MDM2: variants seen among roughly 807,000 people sequenced by gnomAD.
The protein encoded by MDM2 is MDM2 proto-oncogene.
Under a neutral mutation model 64.3 loss-of-function variants are expected in MDM2, and 11 were observed. That is an observed-to-expected ratio of 0.17 (90% CI 0.11 to 0.28). The LOEUF (loss-of-function observed/expected upper bound fraction) is 0.28, where lower values mean the gene tolerates loss of function less well. Ranked by LOEUF, MDM2 falls within the 10% of genes least tolerant of loss-of-function variation. The pLI is 1.00. For missense variants in MDM2, 388 were observed against 577.1 expected, an observed-to-expected ratio of 0.67 and a Z score of 3.36; for synonymous variants, 194 against 192.9, an observed-to-expected ratio of 1.01 and a Z score of -0.05.
At chr12:68,814,576 T>C in intron 3 of MDM2, 1 of 373,158 alleles carries the variant, frequency 2.7e-6, no homozygotes, top group East Asian at 7.9e-5. Context: ...CCATCCAAAT[T>C]AATGGACCCC....
intron 2 of MDM2, among the ~76,000 whole-genome samples, chr12:68,813,210 T>A (rs901718307): frequency 6.6e-6 from 1 of 152,214 alleles, no homozygotes; most frequent in Non-Finnish European, 1.5e-5. Context: ...GGACCCACTC[T>A]AAAGATTTAT....
At chr12:68,826,370 C>A (rs1882318715) in intron 7 of MDM2, among the ~76,000 whole-genome samples, 1 of 151,916 alleles carries the variant, frequency 6.6e-6, no homozygotes, top group South Asian at 2.1e-4. Context: ...CTTAGATGGC[C>A]TGGTGCGGTG....
At chr12:68,838,179 G>A (rs985438363) in intron 10 of MDM2, among the ~76,000 whole-genome samples, 1 of 152,078 alleles carries the variant, frequency 6.6e-6, no homozygotes, top group African/African-American at 2.4e-5. Context: ...TATCTTTATT[G>A]CTCCTGTCTT....
chr12:68,838,479 A>G (rs1883484567), intron 10 of MDM2, among the ~76,000 whole-genome samples: 1 of 152,206 alleles, frequency 6.6e-6, no homozygotes, highest in African/African-American at 2.4e-5. Context: ...ACCAAGGATG[A>G]TAGGTTTTAG....
intron 4 of MDM2, 59 bp from the exon 5 acceptor site, chr12:68,820,266 T>C (rs1227818055): frequency 1.5e-6 from 2 of 1,306,658 alleles, no homozygotes; most frequent in Non-Finnish European, 2.2e-6. Flanking sequence ...TCCAGCTTAA[T>C]ACAAATTTTT....
chr12:68,821,235 A>G (rs1030075334), intron 5 of MDM2, among the ~76,000 whole-genome samples: 1 of 151,690 alleles, frequency 6.6e-6, no homozygotes, highest in African/African-American at 2.4e-5. Context: ...TTTAGTAGAG[A>G]GGGGGTTTCA....
intron 2 of MDM2, among the ~76,000 whole-genome samples, chr12:68,812,337 A>G (rs961677179): frequency 5.9e-5 from 9 of 152,156 alleles, no homozygotes; most frequent in Admixed American, 1.3e-4. Flanking sequence ...GGCATCCCCA[A>G]TGGGGGTGCT....
At chr12:68,816,061 G>A (rs1183105135) in intron 3 of MDM2, among the ~76,000 whole-genome samples, 2 of 152,114 alleles carry the variant, frequency 1.3e-5, no homozygotes, top group African/African-American at 4.8e-5. Context: ...TTGATTGATT[G>A]TTTTTCTGTC....
At position 68,808,382 on chromosome 12, in the gene MDM2, T is replaced by G; in HGVS notation, c.-96T>G. The G allele has an allele frequency of 1.9e-6, 3 of 1,540,228 alleles. No homozygotes were observed. Among genetic ancestry groups the G allele is most frequent in the Non-Finnish European group, 2.7e-6 (3 of 1,115,984 alleles). On this transcript the variant is annotated 5_prime_UTR_variant, in exon 1 of 11. It removes an upstream start codon present in the reference 5' UTR. Transcript: ENST00000258149. ...CAGTGCCCTGGCCCGGAGAGTGGAA[T>G]GATCCCCGAGGCCCAGGGCGTCGTG...
chr12:68,838,873 C>T (rs1487548465), intron 10 of MDM2, among the ~76,000 whole-genome samples: 1 of 151,476 alleles, frequency 6.6e-6, no homozygotes, highest in Admixed American at 6.6e-5. Context: ...AATGGGTGTA[C>T]TTACTCTACT....
chr12:68,826,614 A>G (rs1316435500), intron 7 of MDM2, among the ~76,000 whole-genome samples: 1 of 144,426 alleles, frequency 6.9e-6, no homozygotes, highest in Admixed American at 7.1e-5. Flanking sequence ...GCACCACTGC[A>G]CTCCAGCCTG....
Position 68,824,348 on chromosome 12 carries a change from T to C in MDM2, c.359-15T>C, listed in dbSNP as rs779115220. On this transcript the variant is annotated splice_polypyrimidine_tract_variant and intron_variant, in intron 5 of 10. Transcript: ENST00000258149. ...GCCCACCACCAAGTTTCTGATCCTT[T>C]TTCTTTTCTCTCAGAATCATCGGAC... is the stretch of plus-strand genomic sequence containing the variant. 3.4e-5 allele frequency: 55 copies of C among 1,611,784 alleles called. No homozygotes were observed. The highest frequency in any genetic ancestry group is 3.3e-4 in the East Asian group (15 of 44,878).
Position 68,836,690 on chromosome 12 carries a change from T to A in MDM2, c.859T>A (p.Tyr287Asn). Residue 287 changes from tyrosine (Y) to asparagine (N), a missense_variant, in exon 10 of 11, where the codon TAT becomes AAT. Physicochemically the swap from Tyr to Asn is moderately radical, Grantham distance 143. Around this residue, in one of 5 missense-constraint regions of MDM2, gnomAD observed 168 missense variants for 236.6 expected, o/e 0.71. Transcript: ENST00000258149. ...EDDEVYQVTVYQAGESDTDSF... is the reference protein window; with the variant it reads ...EDDEVYQVTVNQAGESDTDSF... Reference sequence around the variant, plus strand: ...TTATTAGGTATATCAAGTTACTGTGTATCAGGCAGGGGAGAGTGATACAGA... The same window carrying A: ...TTATTAGGTATATCAAGTTACTGTGAATCAGGCAGGGGAGAGTGATACAGA... 1.2e-6 allele frequency: 2 copies of A among 1,611,780 alleles called. No individual in the cohort carries two copies. Among genetic ancestry groups the A allele is most frequent in the Non-Finnish European group, 1.7e-6 (2 of 1,178,114 alleles).
chr12:68,840,526 GTTTGTTTT>G lies in MDM2; in HGVS notation c.*678_*685del. 1 of 186,682 alleles carries G rather than the reference GTTTGTTTT, an allele frequency of 5.4e-6. No homozygotes were observed. Among genetic ancestry groups the G allele is most frequent in the East Asian group, 8.1e-5 (1 of 12,356 alleles). The allele number at this position is 186,682 out of a possible 1,614,324, so 11.6% of individuals were successfully genotyped here. On this transcript the variant is annotated 3_prime_UTR_variant, in exon 11 of 11. Transcript: ENST00000258149. The stretch of plus-strand genomic sequence containing the variant: ...TGTTTTTTTGTTTGTTTGTTTGTTT[GTTTGTTTT>G]GAGATGAGTCTCTCTGTCGCCCAGG...
At chr12:68,824,325 C>A (rs368974758) in intron 5 of MDM2, 38 bp from the exon 6 acceptor site, 1 of 1,565,034 alleles carries the variant, frequency 6.4e-7, no homozygotes, top group Non-Finnish European at 8.8e-7. Flanking sequence ...CGCCCCCCGC[C>A]CACCACCAAG....
In MDM2 at chr12:68,844,089, C is replaced by A; in HGVS notation, c.*4240C>A. 1 of 206,306 alleles carries A rather than the reference C, an allele frequency of 4.8e-6. No individual in the cohort carries two copies. The highest frequency in any genetic ancestry group is 9.9e-6 in the Non-Finnish European group (1 of 101,220). The allele number at this position is 206,306 out of a possible 1,614,324, so 12.8% of individuals were successfully genotyped here. A position where few individuals can be genotyped will look rare whatever the true frequency, so the allele number is the denominator to read the frequency against. ...GCTATTTTTACAAAATTTAAATCTG[C>A]AAATGGATTCAACATGTTTATGGGT... is the stretch of plus-strand genomic sequence containing the variant. On this transcript the variant is annotated 3_prime_UTR_variant, in exon 11 of 11. Transcript: ENST00000258149.
chr12:68,846,536 G>T (rs1884310361), downstream of MDM2: 1 of 152,116 alleles, frequency 6.6e-6, no homozygotes. Context: ...CTTCCTTCAA[G>T]ATCACAGTAA....
intron 8 of MDM2, among the ~76,000 whole-genome samples, chr12:68,833,394 TTATA>T (rs1295949261): frequency 2.2e-5 from 3 of 137,634 alleles, no homozygotes; most frequent in African/African-American, 8.2e-5. Context: ...ATATTACTAT[TTATA>T]TAAATATAAA....
intron 4 of MDM2, among the ~76,000 whole-genome samples, chr12:68,819,427 T>G (rs921882153): frequency 2.6e-5 from 4 of 152,248 alleles, no homozygotes; most frequent in African/African-American, 9.6e-5. Context: ...CAGTGACTGG[T>G]ACGTGGTAGG....
Sources: gnomAD v4.1 joint callset for allele counts (sites outside exome capture counted in the v4.1 genomes callset) on GRCh38, gnomAD v4.1.1 for gene constraint, gnomAD v4.1.1 regional missense constraint, MANE v1.5 for transcripts, NCBI Gene and HGNC (gene_info 2026-07-23, HGNC 2026-07-21) for gene names.